Variants in FECH observed in about 807,000 individuals in gnomAD.
FECH encodes the protein ferrochelatase, also known as ferrochelatase, mitochondrial.
A neutral mutation model predicts 56.9 loss-of-function variants in FECH; 40 were observed. The ratio of observed to expected loss-of-function variants is 0.70; its 90% confidence interval spans 0.55 to 0.92. The LOEUF (loss-of-function observed/expected upper bound fraction) is 0.92. FECH is among the 40% of genes least tolerant of loss of function. The pLI, the probability that FECH is intolerant of heterozygous loss-of-function variation, is 0.00. For missense variants in FECH, 431 were observed against 529.1 expected, an observed-to-expected ratio of 0.81 and a Z score of 1.82; for synonymous variants, 175 against 198.6, an observed-to-expected ratio of 0.88 and a Z score of 1.00.
chr18:57,565,308 GA>G (rs2051001667), intron 5 of FECH, among the ~76,000 whole-genome samples: 1 of 152,126 alleles, frequency 6.6e-6, no homozygotes, highest in African/African-American at 2.4e-5. Context: ...ATTTCCAAAA[GA>G]AAAATAATAA....
intron 4 of FECH, among the ~76,000 whole-genome samples, chr18:57,567,170 T>C (rs111326604): frequency 2.0e-5 from 3 of 152,216 alleles, no homozygotes; most frequent in African/African-American, 7.2e-5. Flanking sequence ...CCACCTCGTT[T>C]ATATAAAAAA....
intron 5 of FECH, among the ~76,000 whole-genome samples, chr18:57,563,580 C>CAAAAAAAA (rs747565830): frequency 0.21 from 6,942 of 33,522 alleles, 1,925 homozygotes; most frequent in East Asian, 0.27. Context: ...AACTCCGTCC[C>CAAAAAAAA]AAAAAAAAAA....
At chr18:57,586,148 G>A (rs1275978865) in intron 1 of FECH, among the ~76,000 whole-genome samples, 1 of 152,350 alleles carries the variant, frequency 6.6e-6, no homozygotes, top group Middle Eastern at 3.4e-3. Flanking sequence ...GGGAACTGCA[G>A]GGCAGATGTC....
rs1480251306 is a variant in FECH, at chr18:57,547,970, G to A, written c.*2742C>T. 1.3e-5 allele frequency among the ~76,000 whole-genome samples: 2 copies of A among 152,104 alleles called. No individual in the cohort carries two copies. Among genetic ancestry groups the A allele is most frequent in the African/African-American group, 4.8e-5 (2 of 41,404 alleles). On this transcript the variant is annotated 3_prime_UTR_variant, in exon 11 of 11. Transcript: ENST00000262093. ...AAGGGCTTTTAATAATGAGTTCAGG[G>A]CCAGGTGCAGAGGCTCATCCTTGTA...
In FECH at chr18:57,550,864, G is replaced by C. The variant is rs1301673775; in HGVS notation, c.1138-18C>G. ...GCCAGGGCCTGGAAGATAGACAAGA[G>C]GCAAAGACGCATGAGAAGCACAGGG... On this transcript the variant is annotated intron_variant, in intron 10 of 10. Transcript: ENST00000262093. 6.2e-7 allele frequency: 1 copy of C among 1,612,904 alleles called. No homozygotes were observed. The highest frequency in any genetic ancestry group is 8.5e-7 in the Non-Finnish European group (1 of 1,180,008).
rs1024194239 is a variant in FECH at position 57,546,139 on chromosome 18, G to A, written c.*4573C>T. The stretch of plus-strand genomic sequence containing the variant: ...AATGAATTTCCCATTTCCACCTAAC[G>A]TTAGGAGCCCTGTTCCTGGGCCACC... On this transcript the variant is annotated 3_prime_UTR_variant, in exon 11 of 11. Transcript: ENST00000262093. Among the ~76,000 whole-genome samples, 1 of 152,122 alleles carries A rather than the reference G, an allele frequency of 6.6e-6. No homozygotes were observed. The highest frequency in any genetic ancestry group is 2.1e-4 in the South Asian group (1 of 4,830).
chr18:57,561,636 C>T (rs1210841905), intron 6 of FECH, among the ~76,000 whole-genome samples: 1 of 152,170 alleles, frequency 6.6e-6, no homozygotes, highest in Non-Finnish European at 1.5e-5. Flanking sequence ...AGTTAAGAGA[C>T]CTTTCCATCG....
At position 57,571,493 on chromosome 18, in the gene FECH, T is replaced by A. The variant is rs141813907; in HGVS notation, c.362A>T (p.Glu121Val). The A allele has an allele frequency of 6.2e-7, 1 of 1,613,870 alleles. No homozygotes were observed. Among genetic ancestry groups the A allele is most frequent in the African/African-American group, 1.3e-5 (1 of 74,878 alleles). Reference protein sequence around the residue: ...IAKRRTPKIQEQYRRIGGGSP... With the variant: ...IAKRRTPKIQVQYRRIGGGSP... ...TCCGCCTCCAATCCTGCGGTACTGCTCTTGAATCTTGGGGGTTCGGCGTTT... is the reference window on the plus strand; with the variant it reads ...TCCGCCTCCAATCCTGCGGTACTGCACTTGAATCTTGGGGGTTCGGCGTTT... Residue 121 changes from glutamate to valine, a missense_variant, in exon 4 of 11, where the codon GAG becomes GTG. Glu to Val is a moderately radical substitution (Grantham distance 121). Transcript: ENST00000262093.
intron 2 of FECH, among the ~76,000 whole-genome samples, chr18:57,574,192 C>T (rs2051153979): frequency 6.6e-6 from 1 of 152,142 alleles, no homozygotes; most frequent in African/African-American, 2.4e-5. Context: ...TGGTGTTTCG[C>T]CATGTTGGCC....
At chr18:57,576,073 C>T (rs7242288) in intron 2 of FECH, among the ~76,000 whole-genome samples, 38,722 of 152,082 alleles carry the variant, frequency 0.25, 5,480 homozygotes, top group African/African-American at 0.35. Context: ...TTGTAGAGGA[C>T]GGCCCTGTGC....
In FECH at chr18:57,548,234, T is replaced by C. The variant is rs915127329; in HGVS notation, c.*2478A>G. The C allele has an allele frequency of 3.5e-5, 5 of 142,380 alleles. No individual in the cohort carries two copies. The highest frequency in any genetic ancestry group is 7.5e-5 in the Non-Finnish European group (5 of 66,746). The allele number at this position is 142,380 out of a possible 1,614,324, so 8.8% of individuals were successfully genotyped here. ...CCACTGCCCTCCAGCCTGGGTGACATAGCAAGACTCCATCTTAAAAAAAAA... is the reference window on the plus strand; with the variant it reads ...CCACTGCCCTCCAGCCTGGGTGACACAGCAAGACTCCATCTTAAAAAAAAA... On this transcript the variant is annotated 3_prime_UTR_variant, in exon 11 of 11. Transcript: ENST00000262093.
At position 57,559,022 on chromosome 18, in the gene FECH, T is replaced by C. The variant is rs1736440; in HGVS notation, c.804+123A>G. 428,008 of 729,168 alleles carry C rather than the reference T, an allele frequency of 0.59. 126,735 individuals carry two copies. Among genetic ancestry groups the C allele is most frequent in the South Asian group, 0.62 (42,519 of 68,986 alleles). The allele number at this position is 729,168 out of a possible 1,614,324, so 45.2% of individuals were successfully genotyped here. ...GGCTAGTTAGCACCAAGTCTGAGAT[T>C]TGAGAATTCATTCTTGCACTGGGCT... On this transcript the variant is annotated intron_variant, in intron 7 of 10. Transcript: ENST00000262093.
At position 57,546,237 on chromosome 18, in the gene FECH, T is replaced by C. The variant is rs1244233776; in HGVS notation, c.*4475A>G. Among the ~76,000 whole-genome samples, 1 of 152,226 alleles carries C rather than the reference T, an allele frequency of 6.6e-6. No individual in the cohort carries two copies. Among genetic ancestry groups the C allele is most frequent in the Admixed American group, 6.5e-5 (1 of 15,288 alleles). ...AGGTGAATTGGAGGTTCTTGGCTGA[T>C]GCACCTGTGCCTTCACGTGCCCCCG... On this transcript the variant is annotated 3_prime_UTR_variant, in exon 11 of 11. Coordinates refer to ENST00000262093, the MANE Select transcript of FECH (RefSeq NM_000140.5).
chr18:57,557,134 C>A (rs936946260), intron 7 of FECH, among the ~76,000 whole-genome samples: 1 of 151,986 alleles, frequency 6.6e-6, no homozygotes, highest in Non-Finnish European at 1.5e-5. Context: ...GGTTTCTCAG[C>A]GTTGGTAACT....
rs1400967740 is a variant in FECH, at chr18:57,544,495, A to G, written c.*6217T>C. ...CCTACAAATTCCATATAGTCAATTC[A>G]TTCTCAGAGAATGCTTTTGTTGATG... On this transcript the variant is annotated 3_prime_UTR_variant, in exon 11 of 11. Transcript: ENST00000262093. Among the ~76,000 whole-genome samples the G allele has an allele frequency of 6.6e-6, 1 of 152,280 alleles. No homozygotes were observed. The highest frequency in any genetic ancestry group is 1.5e-5 in the Non-Finnish European group (1 of 68,048).
chr18:57,571,286 T>A, intron 4 of FECH, 106 bp downstream of exon 4: 1 of 1,178,126 alleles, frequency 8.5e-7, no homozygotes, highest in African/African-American at 1.5e-5. Context: ...CACCACAAAT[T>A]GAGTTGCCAG....
chr18:57,551,589 T>C (rs1194618033), intron 9 of FECH, among the ~76,000 whole-genome samples: 2 of 152,178 alleles, frequency 1.3e-5, no homozygotes, highest in East Asian at 1.9e-4. Context: ...TCAATTCTTA[T>C]GTCCTTCCCC....
Position 57,586,594 on chromosome 18 carries a change from A to G in FECH, c.27T>C (p.Ala9=). The G allele has an allele frequency of 6.6e-7, 1 of 1,524,664 alleles. No individual in the cohort carries two copies. The highest frequency in any genetic ancestry group is 8.8e-7 in the Non-Finnish European group (1 of 1,142,828). 94.4% of individuals were successfully genotyped at this position (1,524,664 alleles called of 1,614,324 possible). ...GGACGCCCGCGGCGCGCAGGGCCGC[A>G]GCCATGTTTGCGCCGAGTGAACGCA... MRSLGANM[A]AALRAAGVLL... is the part of the protein sequence containing the mutation. The change falls in exon 1 of 11, where the codon GCT becomes GCC. Residue 9 remains alanine, a synonymous_variant. Coordinates refer to ENST00000262093, the MANE Select transcript of FECH (RefSeq NM_000140.5).
At position 57,553,716 on chromosome 18, in the gene FECH, G is replaced by A. The variant is rs561123751; in HGVS notation, c.1077+544C>T. On this transcript the variant is annotated intron_variant, in intron 9 of 10. Transcript: ENST00000262093. ...TAATCAGATTGATCACAACATAACAGCAAACAGCTAATTAAGTGAGTGCAT... is the reference window on the plus strand; with the variant it reads ...TAATCAGATTGATCACAACATAACAACAAACAGCTAATTAAGTGAGTGCAT... Among the ~76,000 whole-genome samples the A allele has an allele frequency of 2.6e-4, 40 of 152,232 alleles. No individual in the cohort carries two copies. The South Asian group carries it at 7.5e-3, about 28-fold the overall frequency.
Sources: gnomAD v4.1 joint callset for allele counts (sites outside exome capture counted in the v4.1 genomes callset) on GRCh38, gnomAD v4.1.1 for gene constraint, MANE v1.5 for transcripts, NCBI Gene and HGNC (gene_info 2026-07-23, HGNC 2026-07-21) for gene names.